Variants in PDE7B observed in about 807,000 individuals in gnomAD.
PDE7B encodes phosphodiesterase 7B.
PDE7B carries 29 observed loss-of-function variants against 56.2 expected under a neutral mutation model. That is an observed-to-expected ratio of 0.52 (90% CI 0.38 to 0.70). The LOEUF is 0.70. Ranked by LOEUF, PDE7B falls within the 30% of genes least tolerant of loss-of-function variation. The pLI is 0.00. For missense variants in PDE7B, 490 were observed against 565.0 expected, an observed-to-expected ratio of 0.87 and a Z score of 1.35; for synonymous variants, 197 against 196.9, an observed-to-expected ratio of 1.00 and a Z score of 0.00.
chr6:136,082,731 A>G (rs771583320), intron 2 of PDE7B, among the ~76,000 whole-genome samples: 1 of 152,210 alleles, frequency 6.6e-6, no homozygotes, highest in Non-Finnish European at 1.5e-5. Context: ...TCAATCTCAC[A>G]TACAGGAAAA....
intron 2 of PDE7B, among the ~76,000 whole-genome samples, chr6:136,004,424 C>A (rs1446013834): frequency 2.0e-5 from 3 of 152,124 alleles, no homozygotes; most frequent in African/African-American, 4.8e-5. Context: ...TCCCTGTTTG[C>A]AGATGACATG....
chr6:136,038,115 G>A (rs772557294), intron 2 of PDE7B: 1 of 1,321,972 alleles, frequency 7.6e-7, no homozygotes, highest in Non-Finnish European at 9.9e-7. Context: ...GAGGAGGCTT[G>A]TCTTTCCGAA....
intron 1 of PDE7B, among the ~76,000 whole-genome samples, chr6:135,877,291 A>G (rs926445792): frequency 7.0e-6 from 1 of 141,960 alleles, no homozygotes; most frequent in African/African-American, 2.6e-5. Context: ...TTTTCATGTC[A>G]TGTTTTGGGA....
chr6:136,070,232 G>A (rs534893356), intron 2 of PDE7B: 4 of 151,794 alleles, frequency 2.6e-5, no homozygotes, highest in Admixed American at 2.6e-4. Flanking sequence ...ACCTTTTGAT[G>A]CAACAACAGG....
At chr6:136,093,722 G>C (rs1164914985) in intron 2 of PDE7B, among the ~76,000 whole-genome samples, 3 of 152,184 alleles carry the variant, frequency 2.0e-5, no homozygotes, top group Admixed American at 1.3e-4. Flanking sequence ...ACAGTAACAG[G>C]ACTTGCCACA....
chr6:136,020,097 A>C (rs1039138839), intron 2 of PDE7B, among the ~76,000 whole-genome samples: 15 of 152,184 alleles, frequency 9.9e-5, no homozygotes, highest in African/African-American at 3.6e-4. Context: ...CACTTCACTG[A>C]GTTGATATAA....
chr6:136,090,308 A>G (rs1313941281), intron 2 of PDE7B, among the ~76,000 whole-genome samples: 1 of 152,318 alleles, frequency 6.6e-6, no homozygotes, highest in East Asian at 1.9e-4. Flanking sequence ...AAAGTTGGTG[A>G]TCAGTTATTA....
intron 2 of PDE7B, among the ~76,000 whole-genome samples, chr6:136,020,555 T>G (rs1477708433): frequency 2.0e-5 from 3 of 152,170 alleles, no homozygotes; most frequent in Non-Finnish European, 4.4e-5. Context: ...GACTGCTGAT[T>G]AAATTCAAGC....
Position 135,907,636 on chromosome 6 carries a change from T to C in PDE7B, c.22-39828T>C, listed in dbSNP as rs187383168. On this transcript the variant is annotated intron_variant, in intron 1 of 12. Transcript: ENST00000308191. ...TTGAATGTACAACATTAACTGTTTC[T>C]ATATGCCTAGAAAAAGTAGTTAGAC... Among the ~76,000 whole-genome samples the C allele has an allele frequency of 9.2e-5, 14 of 152,230 alleles. 1 individual carries two copies. The highest frequency in any genetic ancestry group is 4.6e-4 in the Admixed American group (7 of 15,296).
chr6:135,979,817 T>C (rs1775261874), intron 2 of PDE7B, among the ~76,000 whole-genome samples: 1 of 152,174 alleles, frequency 6.6e-6, no homozygotes, highest in Non-Finnish European at 1.5e-5. Flanking sequence ...AAGAACATTC[T>C]ATACTCATGG....
intron 8 of PDE7B, among the ~76,000 whole-genome samples, chr6:136,169,943 T>C (rs1241977979): frequency 1.3e-5 from 2 of 152,124 alleles, no homozygotes; most frequent in Non-Finnish European, 2.9e-5. Context: ...TGAATAGCAA[T>C]AGGACAGACT....
Position 136,004,377 on chromosome 6 carries a change from A to G in PDE7B, c.82+56853A>G, listed in dbSNP as rs574487919. ...GGGCAATTAGGCAGGAGAAGGAAATAAAGGGTATTCAATTAGGAAAAGAGG... is the reference window on the plus strand; with the variant it reads ...GGGCAATTAGGCAGGAGAAGGAAATGAAGGGTATTCAATTAGGAAAAGAGG... On this transcript the variant is annotated intron_variant, in intron 2 of 12. Transcript: ENST00000308191. Among the ~76,000 whole-genome samples the G allele has an allele frequency of 5.2e-4, 79 of 152,238 alleles. 1 individual carries two copies. Among genetic ancestry groups the G allele is most frequent in the African/African-American group, 1.8e-3 (75 of 41,564 alleles).
chr6:135,933,411 T>C (rs1042584543), intron 1 of PDE7B, among the ~76,000 whole-genome samples: 4 of 152,236 alleles, frequency 2.6e-5, no homozygotes, highest in Non-Finnish European at 1.5e-5. Context: ...CTTGGTGATA[T>C]TTTCTTCATT....
chr6:135,928,469 TTATATA>T (rs201188970), intron 1 of PDE7B, among the ~76,000 whole-genome samples: 4 of 81,752 alleles, frequency 4.9e-5, no homozygotes, highest in Non-Finnish European at 7.5e-5. Context: ...ATATATTTAT[TTATATA>T]TATATATTTA....
intron 8 of PDE7B, among the ~76,000 whole-genome samples, chr6:136,160,640 G>A (rs1303506750): frequency 6.6e-6 from 1 of 151,986 alleles, no homozygotes; most frequent in Non-Finnish European, 1.5e-5. Flanking sequence ...ACTCAAATCT[G>A]ACCACATCGA....
At chr6:136,048,094 A>C (rs534250153) in intron 2 of PDE7B, among the ~76,000 whole-genome samples, 1 of 69,410 alleles carries the variant, frequency 1.4e-5, no homozygotes, top group East Asian at 5.1e-4. Context: ...ATAGATAGAC[A>C]GACAGACAGA....
At chr6:136,027,580 T>C (rs1776175082) in intron 2 of PDE7B, among the ~76,000 whole-genome samples, 1 of 152,120 alleles carries the variant, frequency 6.6e-6, no homozygotes, top group Admixed American at 6.5e-5. Context: ...TGTCAAGACA[T>C]AAAAAAAGAA....
At chr6:136,163,813 G>A (rs1778749316) in intron 8 of PDE7B, among the ~76,000 whole-genome samples, 1 of 152,190 alleles carries the variant, frequency 6.6e-6, no homozygotes, top group Non-Finnish European at 1.5e-5. Flanking sequence ...AGCATAGCAA[G>A]AGTCACTTTT....
At chr6:136,033,469 A>G (rs930809815) in intron 2 of PDE7B, among the ~76,000 whole-genome samples, 4 of 152,196 alleles carry the variant, frequency 2.6e-5, no homozygotes, top group Non-Finnish European at 5.9e-5. Context: ...GTACCTGAAA[A>G]AGGACCCAAA....
Sources: allele counts gnomAD v4.1 joint callset (sites outside exome capture counted in the v4.1 genomes callset), GRCh38; gene constraint gnomAD v4.1.1; transcripts MANE v1.5; gene names NCBI Gene and HGNC (gene_info 2026-07-23, HGNC 2026-07-21).